Variants in TAFA4 observed in about 807,000 individuals in gnomAD.
TAFA4 encodes the protein chemokine-like protein TAFA-4.
In TAFA4, 20 loss-of-function variants were observed where a neutral mutation model predicts 21.1. The observed-to-expected ratio is 0.95, with a 90% CI of 0.67 to 1.38. The LOEUF (loss-of-function observed/expected upper bound fraction) is 1.38. TAFA4 is among the 40% of genes most tolerant of loss of function. The probability of loss-of-function intolerance (pLI) is 0.00; values close to 1 mark genes in which losing one functional copy is unlikely to be tolerated. For synonymous variants in TAFA4, 71 were observed against 67.4 expected, an observed-to-expected ratio of 1.05 and a Z score of -0.26; for missense variants, 211 against 180.9, an observed-to-expected ratio of 1.17 and a Z score of -0.95.
intron 3 of TAFA4, among the ~76,000 whole-genome samples, chr3:68,856,579 C>A (rs1475718526): frequency 6.6e-6 from 1 of 152,122 alleles, no homozygotes; most frequent in Admixed American, 6.6e-5. Flanking sequence ...CAACAACCTT[C>A]ACGTGATCTT....
chr3:68,817,258 G>T (rs1362323134), intron 3 of TAFA4, among the ~76,000 whole-genome samples: 1 of 152,174 alleles, frequency 6.6e-6, no homozygotes, highest in Admixed American at 6.5e-5. Context: ...TCATCCGTAA[G>T]AAGCAACCCC....
At chr3:68,872,714 T>C (rs1273429120) in intron 3 of TAFA4, among the ~76,000 whole-genome samples, 1 of 152,148 alleles carries the variant, frequency 6.6e-6, no homozygotes, top group Non-Finnish European at 1.5e-5. Flanking sequence ...GAAAATGCAT[T>C]AAATTCCAGA....
intron 3 of TAFA4, among the ~76,000 whole-genome samples, chr3:68,798,039 G>A (rs1285301333): frequency 6.6e-6 from 1 of 152,130 alleles, no homozygotes; most frequent in African/African-American, 2.4e-5. Context: ...TATAATATAG[G>A]TATATCTTCA....
intron 2 of TAFA4, among the ~76,000 whole-genome samples, chr3:68,881,447 T>C (rs2089617571): frequency 6.6e-6 from 1 of 152,168 alleles, no homozygotes; most frequent in African/African-American, 2.4e-5. Context: ...TCCGTTCACA[T>C]GACAATTCAG....
chr3:68,902,866 C>A (rs1425479323), intron 1 of TAFA4, among the ~76,000 whole-genome samples: 2 of 152,174 alleles, frequency 1.3e-5, no homozygotes, highest in Non-Finnish European at 2.9e-5. Context: ...TAGCAATCAG[C>A]AAACAGATCC....
At chr3:68,852,761 T>A (rs1704979596) in intron 3 of TAFA4, among the ~76,000 whole-genome samples, 1 of 152,170 alleles carries the variant, frequency 6.6e-6, no homozygotes, top group Non-Finnish European at 1.5e-5. Context: ...TTCCCAAACA[T>A]TATTATGTCA....
chr3:68,779,856 G>A (rs1196964121), intron 3 of TAFA4, among the ~76,000 whole-genome samples: 1 of 152,060 alleles, frequency 6.6e-6, no homozygotes, highest in African/African-American at 2.4e-5. Context: ...TATGAGAAGA[G>A]GACCTCAGAA....
At chr3:68,733,282 C>A (rs974685839) in intron 5 of TAFA4, 129 bp from the exon 6 acceptor site, 25 of 1,168,130 alleles carry the variant, frequency 2.1e-5, no homozygotes, top group Non-Finnish European at 2.8e-5. Context: ...TATAACCGAC[C>A]TCACCAAATC....
Position 68,877,526 on chromosome 3 carries a change from A to G in TAFA4, c.130+3204T>C, listed in dbSNP as rs545419828. Among the ~76,000 whole-genome samples, 61 of 152,166 alleles carry G rather than the reference A, an allele frequency of 4.0e-4. No individual in the cohort carries two copies. The South Asian group carries it at 0.012, about 30-fold the overall frequency. ...ATTCTTGACATCTAACTACTTCCCAATCAGTGATACATCCTCTCTACAGCA... is the reference window on the plus strand; with the variant it reads ...ATTCTTGACATCTAACTACTTCCCAGTCAGTGATACATCCTCTCTACAGCA... On this transcript the variant is annotated intron_variant, in intron 3 of 5. Coordinates refer to ENST00000295569, the MANE Select transcript of TAFA4 (RefSeq NM_182522.5).
intron 3 of TAFA4, among the ~76,000 whole-genome samples, chr3:68,863,959 A>G (rs190313090): frequency 1.3e-5 from 2 of 152,276 alleles, no homozygotes; most frequent in East Asian, 3.9e-4. Flanking sequence ...ATTAACTCAA[A>G]ATGGATCACA....
intron 3 of TAFA4, among the ~76,000 whole-genome samples, chr3:68,833,841 A>G (rs1237275891): frequency 1.3e-5 from 2 of 152,192 alleles, no homozygotes; most frequent in African/African-American, 4.8e-5. Context: ...TGTCAAAGGC[A>G]TACTATGCTC....
Position 68,921,259 on chromosome 3 carries a change from C to T in TAFA4, c.-123+10981G>A, listed in dbSNP as rs117497236. ...TTAAATGACTCTGACCCAGTCCATC[C>T]GCTCTGCTTGGTGGTTGCCAATTCT... On this transcript the variant is annotated intron_variant, in intron 1 of 5. Coordinates refer to ENST00000295569, the MANE Select transcript of TAFA4 (RefSeq NM_182522.5). Among the ~76,000 whole-genome samples, 226 of 152,158 alleles carry T rather than the reference C, an allele frequency of 1.5e-3. 2 individuals are homozygous for T. The East Asian group carries it at 0.035, about 23-fold the overall frequency.
chr3:68,766,678 A>C (rs1702860782), intron 3 of TAFA4, among the ~76,000 whole-genome samples: 1 of 152,176 alleles, frequency 6.6e-6, no homozygotes, highest in African/African-American at 2.4e-5. Flanking sequence ...GAACAACTAC[A>C]AAAAGCAGAG....
intron 3 of TAFA4, among the ~76,000 whole-genome samples, chr3:68,755,101 C>T (rs1575596382): frequency 6.6e-6 from 1 of 152,200 alleles, no homozygotes; most frequent in Admixed American, 6.5e-5. Context: ...TGCGCAGGTA[C>T]ATCGACATCT....
In TAFA4 at chr3:68,864,503, G is replaced by A. The variant is rs1043093983; in HGVS notation, c.130+16227C>T. Among the ~76,000 whole-genome samples, 13 of 152,098 alleles carry A rather than the reference G, an allele frequency of 8.5e-5. No homozygotes were observed. The East Asian group carries it at 1.2e-3, about 14-fold the overall frequency. ...ACTCTCATTCACTGCTGGTGAGCAC[G>A]CATCGGTACATCACTTTAAAAATGT... On this transcript the variant is annotated intron_variant, in intron 3 of 5. Coordinates refer to ENST00000295569, the MANE Select transcript of TAFA4 (RefSeq NM_182522.5).
At chr3:68,900,625 A>C (rs2089836518) in intron 1 of TAFA4, among the ~76,000 whole-genome samples, 1 of 152,136 alleles carries the variant, frequency 6.6e-6, no homozygotes, top group Non-Finnish European at 1.5e-5. Context: ...TCTCGTGAGA[A>C]TTCCCTATCA....
At chr3:68,774,343 T>C (rs1192411946) in intron 3 of TAFA4, among the ~76,000 whole-genome samples, 1 of 152,234 alleles carries the variant, frequency 6.6e-6, no homozygotes, top group Non-Finnish European at 1.5e-5. Flanking sequence ...TTTTATTGAC[T>C]ATTTAATACA....
chr3:68,752,169 C>T lies in TAFA4; in HGVS notation c.286+694G>A, dbSNP rs554003517. ...GAAATGTTCATTTTCAGGGAGGTTT[C>T]GTGACACTGCAGAGCAACTGCTACA... On this transcript the variant is annotated intron_variant, in intron 4 of 5. Coordinates refer to ENST00000295569, the MANE Select transcript of TAFA4 (RefSeq NM_182522.5). Among the ~76,000 whole-genome samples the T allele has an allele frequency of 2.8e-4, 42 of 152,260 alleles. 1 individual carries two copies. In the South Asian group the frequency reaches 7.1e-3, roughly 26 times the overall value.
chr3:68,811,238 A>T (rs1220588425), intron 3 of TAFA4, among the ~76,000 whole-genome samples: 1 of 152,196 alleles, frequency 6.6e-6, no homozygotes, highest in Non-Finnish European at 1.5e-5. Context: ...CAGAGCAGAA[A>T]AACTGGAAAC....
Sources: gnomAD v4.1 joint callset for allele counts (sites outside exome capture counted in the v4.1 genomes callset) on GRCh38, gnomAD v4.1.1 for gene constraint, MANE v1.5 for transcripts, NCBI Gene and HGNC (gene_info 2026-07-23, HGNC 2026-07-21) for gene names.